CACNA2D1: variants seen among roughly 807,000 people sequenced by gnomAD.
CACNA2D1 encodes the protein voltage-dependent calcium channel subunit alpha-2/delta-1.
A neutral mutation model predicts 171.5 loss-of-function variants in CACNA2D1; 53 were observed. The ratio of observed to expected loss-of-function variants is 0.31; its 90% CI spans 0.25 to 0.39. The LOEUF (loss-of-function observed/expected upper bound fraction) is 0.39, where lower values mean the gene tolerates loss of function less well. CACNA2D1 is among the 10% of genes least tolerant of loss of function. CACNA2D1 has a pLI of 1.00. For missense variants in CACNA2D1, 903 were observed against 1,299.8 expected (o/e 0.69, Z 4.69); for synonymous variants, 442 against 443.1 (o/e 1.00, Z 0.03).
chr7:82,053,318 A>G (rs1221426060), intron 10 of CACNA2D1, among the ~76,000 whole-genome samples: 2 of 152,070 alleles, frequency 1.3e-5, no homozygotes, highest in East Asian at 3.9e-4. Flanking sequence ...TAATGCACAA[A>G]TAACAAAAAT....
At chr7:82,343,481 G>A (rs746595552) in intron 2 of CACNA2D1, among the ~76,000 whole-genome samples, 4 of 152,156 alleles carry the variant, frequency 2.6e-5, no homozygotes, top group African/African-American at 4.8e-5. Context: ...GTTGTCCCTA[G>A]AACAGAAAAA....
In CACNA2D1 at chr7:81,984,672, T is replaced by C; in HGVS notation, c.1836A>G (p.Ile612Met). The C allele has an allele frequency of 6.4e-7, 1 of 1,572,992 alleles. No homozygotes were observed. Residue 612 changes from isoleucine to methionine, a missense_variant, in exon 22 of 39, where the codon ATA becomes ATG. Ile to Met is a conservative substitution (Grantham distance 10). This residue lies in a region of CACNA2D1 where 623 missense variants were observed against 925.5 expected (regional missense o/e 0.67). Coordinates refer to ENST00000356860, the MANE Select transcript of CACNA2D1 (RefSeq NM_000722.4). ...TTATTGTCTCTTCTAGTTTGGCTTT[T>C]ATATAGTAAAAACTGTAGGTTGGTA... ...LVLPTYSFYY[I>M]KAKLEETITQ...
At chr7:82,417,844 T>C (rs1365107276) in intron 1 of CACNA2D1, among the ~76,000 whole-genome samples, 1 of 152,196 alleles carries the variant, frequency 6.6e-6, no homozygotes, top group Non-Finnish European at 1.5e-5. Flanking sequence ...AAAAATGCAT[T>C]AGATTTTGCA....
chr7:82,093,177 T>G (rs1811435438), intron 6 of CACNA2D1, among the ~76,000 whole-genome samples: 1 of 152,144 alleles, frequency 6.6e-6, no homozygotes. Context: ...CACTTGATCT[T>G]GGGAAAGTGT....
chr7:82,079,385 T>C (rs1218332932), intron 7 of CACNA2D1, among the ~76,000 whole-genome samples: 4 of 152,118 alleles, frequency 2.6e-5, no homozygotes, highest in African/African-American at 4.8e-5. Flanking sequence ...ATATAATTAC[T>C]GTGGAATCTA....
chr7:82,011,109 T>C (rs756413006), intron 15 of CACNA2D1, among the ~76,000 whole-genome samples: 2 of 152,086 alleles, frequency 1.3e-5, no homozygotes, highest in African/African-American at 2.4e-5. Flanking sequence ...AAATACTTTG[T>C]TGTGTGTGGT....
At chr7:81,988,423 G>A (rs1444675263) in intron 21 of CACNA2D1, among the ~76,000 whole-genome samples, 1 of 152,150 alleles carries the variant, frequency 6.6e-6, no homozygotes, top group African/African-American at 2.4e-5. Flanking sequence ...CCATTCTGGT[G>A]TTTTGCAATA....
Position 82,443,666 on chromosome 7 carries a change from C to G in CACNA2D1, c.-207G>C. The G allele has an allele frequency of 1.6e-6, 2 of 1,260,402 alleles. No individual in the cohort carries two copies. Among genetic ancestry groups the G allele is most frequent in the Non-Finnish European group, 2.0e-6 (2 of 1,008,564 alleles). 78.1% of individuals were successfully genotyped at this position (1,260,402 alleles called of 1,614,324 possible). ...GAGGAAGGGGCGGTGGCGGGCGGACCCACTAGCGTGCGTCGGCTGCTCCGC... is the reference window on the plus strand; with the variant it reads ...GAGGAAGGGGCGGTGGCGGGCGGACGCACTAGCGTGCGTCGGCTGCTCCGC... On this transcript the variant is annotated 5_prime_UTR_variant, in exon 1 of 39. Coordinates refer to ENST00000356860, the MANE Select transcript of CACNA2D1 (RefSeq NM_000722.4).
chr7:82,229,118 A>G (rs535974238), intron 3 of CACNA2D1, among the ~76,000 whole-genome samples: 51 of 152,322 alleles, frequency 3.3e-4, no homozygotes, highest in African/African-American at 1.2e-3. Flanking sequence ...TCCACTTTAC[A>G]TAATGAATTC....
chr7:82,024,452 A>T (rs1383534659), intron 12 of CACNA2D1, among the ~76,000 whole-genome samples: 1 of 151,738 alleles, frequency 6.6e-6, no homozygotes, highest in Non-Finnish European at 1.5e-5. Context: ...TCTTTTCTCC[A>T]AAAACATCAA....
intron 5 of CACNA2D1, among the ~76,000 whole-genome samples, chr7:82,134,074 G>A (rs1472779900): frequency 2.8e-5 from 4 of 142,228 alleles, no homozygotes; most frequent in Non-Finnish European, 6.2e-5. Flanking sequence ...GTCTGTCTCG[G>A]AAAAAAAAAA....
intron 4 of CACNA2D1, among the ~76,000 whole-genome samples, chr7:82,164,400 A>G (rs925222227): frequency 6.6e-6 from 1 of 151,838 alleles, no homozygotes; most frequent in African/African-American, 2.4e-5. Context: ...GGCATTGGGG[A>G]GCATATAAAA....
At chr7:82,184,985 C>A (rs556745601) in intron 3 of CACNA2D1, among the ~76,000 whole-genome samples, 1 of 152,288 alleles carries the variant, frequency 6.6e-6, no homozygotes, top group African/African-American at 2.4e-5. Flanking sequence ...TCCCTTAAGT[C>A]ACCAGCTAAA....
chr7:81,979,529 A>G (rs1396451062), intron 24 of CACNA2D1, among the ~76,000 whole-genome samples: 1 of 152,192 alleles, frequency 6.6e-6, no homozygotes, highest in African/African-American at 2.4e-5. Flanking sequence ...AGACAAGGGA[A>G]GAAACTGTAG....
intron 3 of CACNA2D1, among the ~76,000 whole-genome samples, chr7:82,295,124 G>A (rs547751246): frequency 6.6e-6 from 1 of 152,032 alleles, no homozygotes. Flanking sequence ...ACTTCATTTT[G>A]CCCATTTCCT....
chr7:81,969,240 A>T (rs1795025163), intron 28 of CACNA2D1, among the ~76,000 whole-genome samples: 1 of 151,428 alleles, frequency 6.6e-6, no homozygotes, highest in Non-Finnish European at 1.5e-5. Context: ...ATACATGCCA[A>T]ATCTCTACTT....
At chr7:82,211,536 ATGT>A (rs1204094254) in intron 3 of CACNA2D1, among the ~76,000 whole-genome samples, 1 of 152,174 alleles carries the variant, frequency 6.6e-6, no homozygotes, top group Non-Finnish European at 1.5e-5. Flanking sequence ...CAAGGACATG[ATGT>A]TGTTCTTTTT....
At chr7:82,233,410 C>T (rs1230229253) in intron 3 of CACNA2D1, among the ~76,000 whole-genome samples, 1 of 151,990 alleles carries the variant, frequency 6.6e-6, no homozygotes, top group Non-Finnish European at 1.5e-5. Flanking sequence ...CAGAAATTAC[C>T]ATTATCCCAG....
rs1301306225 is a variant in CACNA2D1 at position 82,099,701 on chromosome 7, G to A, written c.527-14801C>T. 6.9e-5 allele frequency among the ~76,000 whole-genome samples: 4 copies of A among 57,796 alleles called. 1 individual carries two copies. The highest frequency in any genetic ancestry group is 5.4e-4 in the South Asian group (1 of 1,852). 37.9% of individuals were successfully genotyped at this position (57,796 alleles called of 152,430 possible). ...CCTGACCTCGTGATCCGCCCGCCTC[G>A]GCCTCCCAAAGTGCTGGGATTACAG... is the stretch of plus-strand genomic sequence containing the variant. On this transcript the variant is annotated intron_variant, in intron 6 of 38. Coordinates refer to ENST00000356860, the MANE Select transcript of CACNA2D1 (RefSeq NM_000722.4).
Sources: gnomAD v4.1 joint callset for allele counts (sites outside exome capture counted in the v4.1 genomes callset) on GRCh38, gnomAD v4.1.1 for gene constraint, gnomAD v4.1.1 regional missense constraint, MANE v1.5 for transcripts, NCBI Gene and HGNC (gene_info 2026-07-23, HGNC 2026-07-21) for gene names.